Variants in OR7E24 observed in about 807,000 individuals in gnomAD.
OR7E24 encodes olfactory receptor 7E24.
For missense variants in OR7E24, 385 were observed against 410.3 expected, an observed-to-expected ratio of 0.94 and a Z score of 0.53; for synonymous variants, 130 against 157.5, an observed-to-expected ratio of 0.83 and a Z score of 1.31.
the OR7E24 span, chr19:9,212,477 A>G: frequency 7.9e-5 from 12 of 152,352 alleles, no homozygotes; most frequent in East Asian, 2.1e-3. Flanking sequence ...CATCAAAATG[A>G]TAATATCTTT....
At chr19:9,241,443 G>C in the OR7E24 span, among the ~76,000 whole-genome samples, 13 of 152,268 alleles carry the variant, frequency 8.5e-5, no homozygotes, top group Admixed American at 5.2e-4. Flanking sequence ...AGTGGATGTT[G>C]TAGGTCCATT....
At position 9,250,985 on chromosome 19, in the gene OR7E24, T is replaced by C; in HGVS notation, c.-59T>C. 6.1e-6 allele frequency: 8 copies of C among 1,307,992 alleles called. No individual in the cohort carries two copies. The highest frequency in any genetic ancestry group is 8.3e-6 in the Non-Finnish European group (8 of 962,502). 81.0% of individuals were successfully genotyped at this position (1,307,992 alleles called of 1,614,324 possible). The stretch of plus-strand genomic sequence containing the variant: ...AGGGTGTATAATCCTATGTGAAAAC[T>C]TAATTTCTTAATTGCTTGTATCCAA... On this transcript the variant is annotated 5_prime_UTR_variant, in exon 1 of 1. Transcript: ENST00000456448.
the OR7E24 span, chr19:9,235,974 G>A: frequency 5.0e-6 from 8 of 1,610,114 alleles, no homozygotes; most frequent in Non-Finnish European, 6.8e-6. Context: ...CCTCAGTGAT[G>A]TACGCCATGG....
chr19:9,214,625 G>A, the OR7E24 span: 6 of 1,614,056 alleles, frequency 3.7e-6, no homozygotes, highest in Non-Finnish European at 4.2e-6. Context: ...AGATGAAACA[G>A]ATGTCAACAA....
the OR7E24 span, among the ~76,000 whole-genome samples, chr19:9,221,421 G>A: frequency 1.8e-5 from 2 of 113,310 alleles, no homozygotes; most frequent in South Asian, 6.7e-4. Flanking sequence ...CGCGATCTCC[G>A]CTCGCTGCAA....
Position 9,251,557 on chromosome 19 carries a change from T to C in OR7E24, c.514T>C (p.Leu172=). The C allele has an allele frequency of 6.2e-7, 1 of 1,614,116 alleles. No individual in the cohort carries two copies. Among genetic ancestry groups the C allele is most frequent in the East Asian group, 2.2e-5 (1 of 44,882 alleles). Residue 172 remains leucine (L), a synonymous_variant, in exon 1 of 1, where the codon TTG becomes CTG. Coordinates refer to ENST00000456448, the MANE Select transcript of OR7E24 (RefSeq NM_001079935.2). ...CTTGTTGTCTTTTTTTATTAGTCTT[T>C]TGGACTCCCAGTTGCACAATTTGAT... ...LILLSFFISL[L]DSQLHNLIML...
At chr19:9,235,351 G>A in the OR7E24 span, 1 of 1,394,222 alleles carries the variant, frequency 7.2e-7, no homozygotes, top group Middle Eastern at 1.8e-4. Flanking sequence ...GTCCTTTGTG[G>A]ACACCTGTTT....
chr19:9,215,065 C>A, the OR7E24 span, among the ~76,000 whole-genome samples: 1 of 152,262 alleles, frequency 6.6e-6, no homozygotes, highest in African/African-American at 2.4e-5. Context: ...CTCTCTTTGG[C>A]CGGGCATGGT....
chr19:9,234,138 G>A, the OR7E24 span, among the ~76,000 whole-genome samples: 1 of 152,048 alleles, frequency 6.6e-6, no homozygotes, highest in Non-Finnish European at 1.5e-5. Context: ...TCCTGACCTC[G>A]TGATCCGCTC....
chr19:9,221,511 C>G, the OR7E24 span, among the ~76,000 whole-genome samples: 2 of 139,366 alleles, frequency 1.4e-5, no homozygotes, highest in Middle Eastern at 7.0e-3. Context: ...CCACGACGCC[C>G]GGCTACTTTT....
chr19:9,226,288 G>A, the OR7E24 span, among the ~76,000 whole-genome samples: 9 of 152,128 alleles, frequency 5.9e-5, no homozygotes, highest in Admixed American at 1.3e-4. Flanking sequence ...GGGTACACTC[G>A]CCAGCAGTTT....
At chr19:9,220,120 T>A in the OR7E24 span, among the ~76,000 whole-genome samples, 1 of 152,186 alleles carries the variant, frequency 6.6e-6, no homozygotes, top group African/African-American at 2.4e-5. Flanking sequence ...TGGAAATATA[T>A]ATACATTGTG....
At chr19:9,227,583 T>C in the OR7E24 span, among the ~76,000 whole-genome samples, 1 of 152,070 alleles carries the variant, frequency 6.6e-6, no homozygotes, top group Non-Finnish European at 1.5e-5. Context: ...GTACCACATT[T>C]TCTTTATCCA....
the OR7E24 span, chr19:9,212,510 G>T: frequency 1.3e-5 from 2 of 152,058 alleles, no homozygotes; most frequent in Non-Finnish European, 1.5e-5. Context: ...ACAATGGCCC[G>T]GAAATCAAGA....
At chr19:9,243,385 G>A (rs1261249946), upstream of OR7E24, among the ~76,000 whole-genome samples, 1 of 146,876 alleles carries the variant, frequency 6.8e-6, no homozygotes, top group Non-Finnish European at 1.5e-5. Context: ...ACAGTATTGT[G>A]CAGGCTGGAG....
At chr19:9,241,717 T>C in the OR7E24 span, among the ~76,000 whole-genome samples, 1 of 152,170 alleles carries the variant, frequency 6.6e-6, no homozygotes, top group South Asian at 2.1e-4. Flanking sequence ...TGAGCTGAGA[T>C]TGCGCCATTG....
the OR7E24 span, chr19:9,235,431 G>A: frequency 1.2e-6 from 2 of 1,606,048 alleles, no homozygotes; most frequent in African/African-American, 2.7e-5. Flanking sequence ...CCTACATGGG[G>A]TGCCTCACTC....
At chr19:9,227,099 T>A in the OR7E24 span, among the ~76,000 whole-genome samples, 4 of 152,224 alleles carry the variant, frequency 2.6e-5, 1 homozygote, top group Admixed American at 2.6e-4. Context: ...TCTGTGTCCA[T>A]GTGTTCCCAT....
chr19:9,220,738 T>G, the OR7E24 span, among the ~76,000 whole-genome samples: 1 of 152,236 alleles, frequency 6.6e-6, no homozygotes, highest in Non-Finnish European at 1.5e-5. Flanking sequence ...AGTAGTGGAC[T>G]GCTGGATCAT....
Sources: allele counts gnomAD v4.1 joint callset (sites outside exome capture counted in the v4.1 genomes callset), GRCh38; gene constraint gnomAD v4.1.1; transcripts MANE v1.5; gene names NCBI Gene and HGNC (gene_info 2026-07-23, HGNC 2026-07-21).